AGBL4: variants seen among roughly 807,000 people sequenced by gnomAD.
The protein encoded by AGBL4 is cytosolic carboxypeptidase 6.
AGBL4 carries 58 observed loss-of-function variants against 66.4 expected under a neutral mutation model. That is an observed-to-expected ratio of 0.87 (90% CI 0.71 to 1.09). The LOEUF is 1.09. Among genes scored for constraint, AGBL4 ranks in the 50% least tolerant of loss-of-function variants. The pLI is 0.00. For synonymous variants in AGBL4, 234 were observed against 222.9 expected (o/e 1.05, Z -0.44); for missense variants, 579 against 631.0 (o/e 0.92, Z 0.88).
intron 5 of AGBL4, among the ~76,000 whole-genome samples, chr1:49,014,257 A>G (rs1420432672): frequency 6.6e-6 from 1 of 152,210 alleles, no homozygotes; most frequent in East Asian, 1.9e-4. Context: ...CTATATTATC[A>G]GTTTTCTGAG....
intron 3 of AGBL4, among the ~76,000 whole-genome samples, chr1:49,397,637 GCAAA>G (rs948874785): frequency 5.9e-5 from 9 of 152,200 alleles, no homozygotes; most frequent in South Asian, 4.2e-4. Flanking sequence ...TGGTAAAAAA[GCAAA>G]CAAACAAACA....
intron 7 of AGBL4, among the ~76,000 whole-genome samples, chr1:48,662,446 G>A (rs751667908): frequency 2.6e-5 from 4 of 152,154 alleles, no homozygotes; most frequent in Non-Finnish European, 1.5e-5. Context: ...CTACACAGGC[G>A]TTTCATATCT....
chr1:48,923,984 C>G (rs1557465696), intron 5 of AGBL4, among the ~76,000 whole-genome samples: 1 of 152,062 alleles, frequency 6.6e-6, no homozygotes. Flanking sequence ...GGGACCCTAC[C>G]CTGGGAACCT....
At chr1:49,311,570 T>G (rs1444227537) in intron 3 of AGBL4, among the ~76,000 whole-genome samples, 1 of 151,892 alleles carries the variant, frequency 6.6e-6, no homozygotes, top group Admixed American at 6.6e-5. Flanking sequence ...AATGAAGCAT[T>G]TACATAAATA....
At chr1:48,677,594 T>C (rs575845731) in intron 6 of AGBL4, among the ~76,000 whole-genome samples, 1 of 152,052 alleles carries the variant, frequency 6.6e-6, no homozygotes, top group South Asian at 2.1e-4. Flanking sequence ...TGCAGGCAGG[T>C]TAAAGAGCTG....
At chr1:49,146,831 T>C (rs1157110972) in intron 4 of AGBL4, among the ~76,000 whole-genome samples, 1 of 152,202 alleles carries the variant, frequency 6.6e-6, no homozygotes, top group Non-Finnish European at 1.5e-5. Context: ...GCCTCATCCA[T>C]CATCATTACA....
intron 4 of AGBL4, among the ~76,000 whole-genome samples, chr1:49,075,106 C>CTTTTTTGAACATAATG (rs1553150581): frequency 1.3e-5 from 2 of 152,126 alleles, no homozygotes; most frequent in African/African-American, 2.4e-5. Context: ...GACATTTTGT[C>CTTTTTTGAACATAATG]TTTTTTGAAC....
chr1:48,950,061 T>A (rs1276408643), intron 5 of AGBL4, among the ~76,000 whole-genome samples: 6 of 152,172 alleles, frequency 3.9e-5, no homozygotes, highest in Admixed American at 2.6e-4. Context: ...CACTCATACC[T>A]GACAACAATC....
In AGBL4 at chr1:49,567,014, C is replaced by T. The variant is rs538459184; in HGVS notation, c.282+130299G>A. On this transcript the variant is annotated intron_variant, in intron 3 of 13. Coordinates refer to ENST00000371839, the MANE Select transcript of AGBL4 (RefSeq NM_032785.4). ...CCTGGACAATGGCAGGCGCCCCTCC[C>T]CCAGCCTCACTGCCACCTTGCAGTT... Among the ~76,000 whole-genome samples the T allele has an allele frequency of 6.2e-4, 94 of 152,340 alleles. 1 individual carries two copies. Among genetic ancestry groups the T allele is most frequent in the African/African-American group, 2.0e-3 (84 of 41,574 alleles).
Position 50,023,765 on chromosome 1 carries a change from G to A in AGBL4, c.32C>T (p.Ala11Val). Reference sequence around the variant, plus strand: ...CCAGATCGGCCGCCCCCACAGACCTGCCTCAGGCGCCGACTGGCTCCCCTC... The same window carrying A: ...CCAGATCGGCCGCCCCCACAGACCTACCTCAGGCGCCGACTGGCTCCCCTC... MAEGSQSAPE[A>V]GNDMGNDDAI... Residue 11 changes from alanine (A) to valine (V), a missense_variant and splice_region_variant, in exon 1 of 14, where the codon GCA (alanine) becomes GTA (valine). By Grantham distance (64) the Ala-to-Val change is moderately conservative. Coordinates refer to ENST00000371839, the MANE Select transcript of AGBL4 (RefSeq NM_032785.4). The A allele has an allele frequency of 1.3e-6, 2 of 1,549,340 alleles. No homozygotes were observed. The highest frequency in any genetic ancestry group is 1.7e-6 in the Non-Finnish European group (2 of 1,146,014).
At chr1:49,909,170 T>C (rs1485027082) in intron 1 of AGBL4, among the ~76,000 whole-genome samples, 1 of 152,156 alleles carries the variant, frequency 6.6e-6, no homozygotes, top group Non-Finnish European at 1.5e-5. Context: ...CTATGCCTTA[T>C]GGGTGTTATA....
At chr1:49,736,212 A>T (rs1310771938) in intron 2 of AGBL4, among the ~76,000 whole-genome samples, 1 of 152,144 alleles carries the variant, frequency 6.6e-6, no homozygotes, top group African/African-American at 2.4e-5. Flanking sequence ...ATAAACTTAG[A>T]GATCCTTAGA....
At chr1:49,909,576 G>A (rs1650613835) in intron 1 of AGBL4, among the ~76,000 whole-genome samples, 1 of 152,190 alleles carries the variant, frequency 6.6e-6, no homozygotes, top group Non-Finnish European at 1.5e-5. Context: ...GAAGACAGAA[G>A]TGGGTATTGG....
intron 2 of AGBL4, 94 bp from the exon 3 acceptor site, chr1:49,697,531 T>C: frequency 1.9e-6 from 2 of 1,032,690 alleles, no homozygotes; most frequent in Non-Finnish European, 2.7e-6. Context: ...GATAGTGGCA[T>C]TTGTCAACAT....
chr1:49,690,978 T>C (rs1027469503), intron 3 of AGBL4, among the ~76,000 whole-genome samples: 4 of 152,180 alleles, frequency 2.6e-5, no homozygotes, highest in Non-Finnish European at 5.9e-5. Flanking sequence ...GGAATGTATG[T>C]CTAACGAAAA....
chr1:49,303,769 C>T (rs532627879), intron 3 of AGBL4, among the ~76,000 whole-genome samples: 1 of 152,162 alleles, frequency 6.6e-6, no homozygotes, highest in Admixed American at 6.6e-5. Flanking sequence ...AGCCACTGCA[C>T]CCAACCTAAA....
intron 3 of AGBL4, among the ~76,000 whole-genome samples, chr1:49,602,292 C>T (rs1644975352): frequency 6.6e-6 from 1 of 152,074 alleles, no homozygotes; most frequent in African/African-American, 2.4e-5. Context: ...GTGGCGATTC[C>T]TCAAGGATCT....
At chr1:49,468,901 A>G (rs1426334708) in intron 3 of AGBL4, among the ~76,000 whole-genome samples, 1 of 151,798 alleles carries the variant, frequency 6.6e-6, no homozygotes, top group Non-Finnish European at 1.5e-5. Flanking sequence ...TACATTTGTG[A>G]AATATAAAAT....
At chr1:48,569,956 C>A (rs1250717500) in intron 11 of AGBL4, among the ~76,000 whole-genome samples, 1 of 152,176 alleles carries the variant, frequency 6.6e-6, no homozygotes, top group Admixed American at 6.5e-5. Context: ...TCAAATCTGG[C>A]CTGCCGCACT....
Sources: allele counts gnomAD v4.1 joint callset (sites outside exome capture counted in the v4.1 genomes callset), GRCh38; gene constraint gnomAD v4.1.1; transcripts MANE v1.5; gene names NCBI Gene and HGNC (gene_info 2026-07-23, HGNC 2026-07-21).